Variants in PHLDB1 observed in about 807,000 individuals in gnomAD.
PHLDB1 encodes the protein pleckstrin homology like domain family B member 1.
Under a neutral mutation model 139.3 loss-of-function variants are expected in PHLDB1, and 65 were observed. That is an observed-to-expected ratio of 0.47 (90% confidence interval 0.38 to 0.57). The LOEUF (loss-of-function observed/expected upper bound fraction) is 0.57, where lower values mean the gene tolerates loss of function less well. Ranked by LOEUF, PHLDB1 falls within the 20% of genes least tolerant of loss-of-function variation. The pLI, the probability that PHLDB1 is intolerant of heterozygous loss-of-function variation, is 0.00. For missense variants in PHLDB1, 1,624 were observed against 1,839.7 expected (o/e 0.88, Z 2.14); for synonymous variants, 679 against 734.5 (o/e 0.92, Z 1.22).
intron 4 of PHLDB1, among the ~76,000 whole-genome samples, chr11:118,623,874 T>TTGTGTGTG (rs3222268): frequency 4.7e-4 from 66 of 141,284 alleles, no homozygotes; most frequent in African/African-American, 1.7e-3. Flanking sequence ...CTCTGAACAT[T>TTGTGTGTG]TGTGTGTGTG....
chr11:118,635,695 A>AT (rs1469107455), intron 10 of PHLDB1, 147 bp downstream of exon 10: 10 of 695,902 alleles, frequency 1.4e-5, no homozygotes, highest in Non-Finnish European at 2.0e-5. Context: ...TGTTGTGAGA[A>AT]TTAAACAAGA....
rs912276076 is a variant in PHLDB1 at position 118,642,269 on chromosome 11, C to T, written c.2752C>T (p.Leu918Phe). 2.5e-6 allele frequency: 4 copies of T among 1,612,944 alleles called. No individual in the cohort carries two copies. The highest frequency in any genetic ancestry group is 4.5e-5 in the East Asian group (2 of 44,874). Residue 918 changes from leucine (L) to phenylalanine (F), a missense_variant, in exon 13 of 23, where the codon CTC becomes TTC. Leu to Phe is a conservative substitution (Grantham distance 22). Transcript: ENST00000600882. ...STLKEMEKLL[L>F]PAVDLEQWYQ... is the part of the protein sequence containing the mutation. Reference sequence around the variant, plus strand: ...CCACCTCCAGATGGAGAAGCTGCTGCTCCCTGCTGTAGACTTAGAGCAGTG... The same window carrying T: ...CCACCTCCAGATGGAGAAGCTGCTGTTCCCTGCTGTAGACTTAGAGCAGTG...
At chr11:118,614,267 C>T (rs928260695) in intron 2 of PHLDB1, among the ~76,000 whole-genome samples, 4 of 150,250 alleles carry the variant, frequency 2.7e-5, no homozygotes, top group African/African-American at 9.8e-5. Context: ...GCTGCTTATC[C>T]AATGCCACCC....
At chr11:118,641,845 T>C in intron 12 of PHLDB1, 1 of 1,220,210 alleles carries the variant, frequency 8.2e-7, no homozygotes, top group Non-Finnish European at 1.1e-6. Flanking sequence ...GTGTGTGTTT[T>C]GCTCCTGCTC....
intron 13 of PHLDB1, 57 bp from the exon 14 acceptor site, chr11:118,643,742 TG>T: frequency 6.2e-7 from 1 of 1,613,148 alleles, no homozygotes. Flanking sequence ...CTAGGTGACA[TG>T]GGGGAGGTGG....
chr11:118,607,361 T>G, upstream of PHLDB1, among the ~76,000 whole-genome samples: 1 of 81,238 alleles, frequency 1.2e-5, no homozygotes. Context: ...GTGGTGGTGG[T>G]GGTGGTGGTG....
At position 118,632,012 on chromosome 11, in the gene PHLDB1, G is replaced by A. The variant is rs747444455; in HGVS notation, c.2200G>A (p.Val734Met). 31 of 1,614,034 alleles carry A rather than the reference G, an allele frequency of 1.9e-5. No individual in the cohort carries two copies. Among genetic ancestry groups the A allele is most frequent in the Non-Finnish European group, 2.5e-5 (29 of 1,179,996 alleles). ...GCACGTGGAGCAGCTCAAGGTCCGT[G>A]TGAAGGAGCTAGAGCAGCAGCTGCA... ...LGHVEQLKVR[V>M]KELEQQLQES... The change falls in exon 8 of 23, where the codon GTG becomes ATG. Residue 734 changes from valine (V) to methionine (M), a missense_variant. Val to Met is a conservative substitution (Grantham distance 21, BLOSUM62 1). Transcript: ENST00000600882. This position sits in a 1 kb window ranked among gnomAD's most constrained non-coding sequence, Gnocchi z 5.9.
intron 18 of PHLDB1, among the ~76,000 whole-genome samples, 194 bp from the exon 19 acceptor site, chr11:118,649,883 G>A (rs1048366984): frequency 2.0e-5 from 3 of 152,168 alleles, no homozygotes; most frequent in East Asian, 1.9e-4. Flanking sequence ...CAGTTTGCCC[G>A]GCCCTAGGTA....
At chr11:118,633,651 T>G (rs1945148217) in intron 9 of PHLDB1, 1 of 152,178 alleles carries the variant, frequency 6.6e-6, no homozygotes, top group African/African-American at 2.4e-5. Flanking sequence ...CATCAGAGGT[T>G]GGTAATGGGT....
At position 118,628,604 on chromosome 11, in the gene PHLDB1, G is replaced by T. The variant is rs782708400; in HGVS notation, c.1781G>T (p.Arg594Leu). The T allele has an allele frequency of 3.1e-6, 5 of 1,612,250 alleles. No individual in the cohort carries two copies. Among genetic ancestry groups the T allele is most frequent in the Non-Finnish European group, 3.4e-6 (4 of 1,179,776 alleles). ...DNEDDLLEYH[R>L]RQRQERLREQ... The stretch of plus-strand genomic sequence containing the variant: ...GAGGACGACCTCCTGGAGTACCACC[G>T]GCGACAGCGCCAAGAGCGGCTCCGG... Residue 594 changes from arginine to leucine, a missense_variant, in exon 6 of 23, where the codon CGG becomes CTG. Transcript: ENST00000600882.
intron 7 of PHLDB1, 65 bp downstream of exon 7, chr11:118,631,544 G>A: frequency 7.5e-7 from 1 of 1,332,832 alleles, no homozygotes. Flanking sequence ...AGAGGAGGCT[G>A]GTGTATCCAA....
intron 17 of PHLDB1, chr11:118,646,520 T>C (rs1370615255): frequency 2.0e-5 from 3 of 152,340 alleles, no homozygotes; most frequent in Admixed American, 2.0e-4. Flanking sequence ...AAGCAGGAAC[T>C]ATGAGTGAAG....
At position 118,610,082 on chromosome 11, in the gene PHLDB1, A is replaced by G. The variant is rs1591416033; in HGVS notation, c.-22+2383A>G. ...AGTGTTCCCGTCTGTCGTCGCCTCC[A>G]CTTGAGGACCCGCCTGTCCTTTCTT... On this transcript the variant is annotated intron_variant, in intron 1 of 22. Transcript: ENST00000600882. This position sits in a 1 kb window ranked among gnomAD's most constrained non-coding sequence, Gnocchi z 8.7. Among the ~76,000 whole-genome samples, 1 of 134,290 alleles carries G rather than the reference A, an allele frequency of 7.4e-6. No homozygotes were observed. The highest frequency in any genetic ancestry group is 2.9e-5 in the African/African-American group (1 of 34,490). 88.1% of individuals were successfully genotyped at this position (134,290 alleles called of 152,430 possible).
chr11:118,609,122 C>T (rs1555081435), intron 1 of PHLDB1, among the ~76,000 whole-genome samples: 1 of 146,738 alleles, frequency 6.8e-6, no homozygotes, highest in African/African-American at 2.5e-5. Flanking sequence ...CAGCCCGTCA[C>T]ACACACAGCC....
chr11:118,635,239 A>C (rs1555114419), intron 9 of PHLDB1, 154 bp from the exon 10 acceptor site: 7 of 898,726 alleles, frequency 7.8e-6, no homozygotes, highest in Non-Finnish European at 1.0e-5. Flanking sequence ...GCAAAAGGGC[A>C]AGGCCAAGTA....
intron 3 of PHLDB1, chr11:118,615,082 C>T (rs1941319580): frequency 5.7e-6 from 1 of 176,058 alleles, no homozygotes; most frequent in African/African-American, 2.4e-5. Context: ...GTAGTCCCAG[C>T]TACTCAGGAG....
chr11:118,654,014 G>C (rs1447860578), intron 20 of PHLDB1: 1 of 152,244 alleles, frequency 6.6e-6, no homozygotes, highest in Non-Finnish European at 1.5e-5. Flanking sequence ...GGAAGGTTAT[G>C]ATACAAGGCT....
chr11:118,635,212 T>A, intron 9 of PHLDB1, 181 bp from the exon 10 acceptor site: 1 of 716,078 alleles, frequency 1.4e-6, no homozygotes, highest in East Asian at 2.7e-5. Flanking sequence ...GAATCAGCGC[T>A]CCAGGCCATG....
rs1473794769 is a variant in PHLDB1, at chr11:118,646,717, A to G, written c.3507+892A>G. On this transcript the variant is annotated intron_variant, in intron 17 of 22. Transcript: ENST00000600882. ...TGTGTGCCTAGGAAGGAGGATAAAT[A>G]AAGGATCTGCAGAAGCTGTTCTGTG... 3 of 152,226 alleles carry G rather than the reference A, an allele frequency of 2.0e-5. No homozygotes were observed. In the East Asian group the frequency reaches 5.8e-4, roughly 29 times the overall value. 9.4% of individuals were successfully genotyped at this position (152,226 alleles called of 1,614,324 possible).
Sources: gnomAD v4.1 joint callset for allele counts (sites outside exome capture counted in the v4.1 genomes callset) on GRCh38, gnomAD v4.1.1 for gene constraint, Gnocchi (gnomAD v3.1) non-coding constraint, MANE v1.5 for transcripts, NCBI Gene and HGNC (gene_info 2026-07-23, HGNC 2026-07-21) for gene names.